Variants in DNAJC10 observed in about 807,000 individuals in gnomAD.
DNAJC10 encodes the protein endoplasmic reticulum disulfide reductase DNAJC10.
Under a neutral mutation model 115.0 loss-of-function variants are expected in DNAJC10, and 101 were observed. The observed-to-expected ratio is 0.88, with a 90% CI of 0.75 to 1.04. DNAJC10 has a LOEUF of 1.04. DNAJC10 is among the 50% of genes least tolerant of loss of function. The pLI is 0.00. For missense variants in DNAJC10, 981 were observed against 928.8 expected, an observed-to-expected ratio of 1.06 and a Z score of -0.73; for synonymous variants, 307 against 301.5, an observed-to-expected ratio of 1.02 and a Z score of -0.19.
chr2:182,746,602 G>T (rs868046444), intron 14 of DNAJC10, among the ~76,000 whole-genome samples: 18 of 152,018 alleles, frequency 1.2e-4, no homozygotes, highest in Non-Finnish European at 7.4e-5. Flanking sequence ...GTAAATTTGT[G>T]TGAGTTCATT....
At position 182,741,727 on chromosome 2, in the gene DNAJC10, A is replaced by G. The variant is rs534458657; in HGVS notation, c.1191+371A>G. 3.1e-4 allele frequency among the ~76,000 whole-genome samples: 47 copies of G among 152,306 alleles called. No individual in the cohort carries two copies. In the South Asian group the frequency reaches 3.5e-3, roughly 11 times the overall value. ...AAAAATAAAGCAATTATCTAAAAAA[A>G]TCACCCATACTCTTAACATTGTTCA... On this transcript the variant is annotated intron_variant, in intron 13 of 23. Coordinates refer to ENST00000264065, the MANE Select transcript of DNAJC10 (RefSeq NM_018981.4).
intron 10 of DNAJC10, among the ~76,000 whole-genome samples, chr2:182,733,548 G>A (rs867174826): frequency 5.7e-4 from 87 of 151,646 alleles, no homozygotes; most frequent in African/African-American, 2.1e-3. Context: ...AGAGTGATTG[G>A]CCTATATTTT....
At chr2:182,769,713 G>A (rs1424905724) in intron 22 of DNAJC10, among the ~76,000 whole-genome samples, 1 of 152,054 alleles carries the variant, frequency 6.6e-6, no homozygotes, top group Non-Finnish European at 1.5e-5. Flanking sequence ...GTAGATTCTG[G>A]ATATTAGCCC....
At chr2:182,739,715 A>G (rs1693683992) in intron 11 of DNAJC10, 3 of 1,010,642 alleles carry the variant, frequency 3.0e-6, no homozygotes, top group South Asian at 8.0e-5. Flanking sequence ...GATCTGTATC[A>G]TTGTATTTTA....
intron 5 of DNAJC10, 67 bp from the exon 6 acceptor site, chr2:182,728,509 T>C (rs970130028): frequency 9.2e-6 from 11 of 1,190,502 alleles, no homozygotes; most frequent in Non-Finnish European, 1.3e-5. Context: ...ACAAAAAGTT[T>C]TTAACTAAAA....
Position 182,718,261 on chromosome 2 carries a change from G to A in DNAJC10, c.175G>A (p.Ala59Thr). 1 of 1,610,628 alleles carries A rather than the reference G, an allele frequency of 6.2e-7. No individual in the cohort carries two copies. Among genetic ancestry groups the A allele is most frequent in the Non-Finnish European group, 8.5e-7 (1 of 1,179,012 alleles). Reference protein sequence around the residue: ...REIRQAFKKLALKLHPDKNPN... With the variant: ...REIRQAFKKLTLKLHPDKNPN... ...AATAAGACAAGCTTTCAAGAAATTGGCATTGAAGTTACATCCTGATAAAAA... is the reference window on the plus strand; with the variant it reads ...AATAAGACAAGCTTTCAAGAAATTGACATTGAAGTTACATCCTGATAAAAA... The change falls in exon 3 of 24, where the codon GCA becomes ACA. Residue 59 changes from alanine (A) to threonine (T), a missense_variant. Physicochemically the swap from Ala to Thr is moderately conservative, Grantham distance 58. Coordinates refer to ENST00000264065, the MANE Select transcript of DNAJC10 (RefSeq NM_018981.4).
At position 182,793,820 on chromosome 2, in the gene DNAJC10, T is replaced by TCTCACACA. The variant is rs1695094347; in HGVS notation, c.*16689_*16690insTCACACAC. ...TAAAATTTTCCAGAGAGGAAACACATCACACACACACACACACACACACAC... is the reference window on the plus strand; with the variant it reads ...TAAAATTTTCCAGAGAGGAAACACATCTCACACACACACACACACACACACACACACAC... On this transcript the variant is annotated 3_prime_UTR_variant, in exon 24 of 24. Transcript: ENST00000264065. The TCTCACACA allele has an allele frequency of 7.4e-6, 1 of 135,636 alleles. No homozygotes were observed. Among genetic ancestry groups the TCTCACACA allele is most frequent in the African/African-American group, 2.9e-5 (1 of 34,424 alleles). The allele number at this position is 135,636 out of a possible 1,614,324, so 8.4% of individuals were successfully genotyped here.
At chr2:182,730,137 T>TTC (rs1344786441) in intron 8 of DNAJC10, among the ~76,000 whole-genome samples, 196 bp downstream of exon 8, 6 of 152,134 alleles carry the variant, frequency 3.9e-5, no homozygotes, top group Non-Finnish European at 7.4e-5. Flanking sequence ...TACAGAAACT[T>TTC]GAACTATCGA....
intron 17 of DNAJC10, among the ~76,000 whole-genome samples, chr2:182,755,587 G>A (rs1184781835): frequency 6.6e-6 from 1 of 151,964 alleles, no homozygotes; most frequent in Non-Finnish European, 1.5e-5. Flanking sequence ...CTGACGTAAT[G>A]TTTTGTCTTG....
rs1272200127 is a variant in DNAJC10, at chr2:182,780,412, C to G, written c.*3280C>G. ...TTCTCTGTGTGACATGCCTTCTCCCCCCGTGCCTTCTGCCATGAGTAAAAG... is the reference window on the plus strand; with the variant it reads ...TTCTCTGTGTGACATGCCTTCTCCCGCCGTGCCTTCTGCCATGAGTAAAAG... On this transcript the variant is annotated 3_prime_UTR_variant, in exon 24 of 24. Coordinates refer to ENST00000264065, the MANE Select transcript of DNAJC10 (RefSeq NM_018981.4). 6.6e-6 allele frequency: 1 copy of G among 152,236 alleles called. No individual in the cohort carries two copies. The highest frequency in any genetic ancestry group is 1.5e-5 in the Non-Finnish European group (1 of 68,088). The allele number at this position is 152,236 out of a possible 1,614,324, so 9.4% of individuals were successfully genotyped here.
At chr2:182,721,984 G>A (rs1375976316) in intron 4 of DNAJC10, 41 bp from the exon 5 acceptor site, 1 of 1,163,108 alleles carries the variant, frequency 8.6e-7, no homozygotes, top group Non-Finnish European at 1.2e-6. Context: ...TTTATATGGT[G>A]AAGTTTTGAT....
intron 10 of DNAJC10, among the ~76,000 whole-genome samples, chr2:182,735,686 C>T (rs1693565127): frequency 6.6e-6 from 1 of 151,936 alleles, no homozygotes; most frequent in South Asian, 2.1e-4. Flanking sequence ...ACTAACTTGC[C>T]CAGTGCAGAA....
At chr2:182,724,706 C>G (rs1265194216) in intron 5 of DNAJC10, among the ~76,000 whole-genome samples, 1 of 152,148 alleles carries the variant, frequency 6.6e-6, no homozygotes, top group Non-Finnish European at 1.5e-5. Context: ...TATTAACAGA[C>G]AGTAGCTGTA....
rs531964460 is a variant in DNAJC10 at position 182,779,368 on chromosome 2, A to T, written c.*2236A>T. ...GCAACACCATTTTTGTGTGCAGCTGACCCTCTAACATGGTATCAATTCTAG... is the reference window on the plus strand; with the variant it reads ...GCAACACCATTTTTGTGTGCAGCTGTCCCTCTAACATGGTATCAATTCTAG... On this transcript the variant is annotated 3_prime_UTR_variant, in exon 24 of 24. Coordinates refer to ENST00000264065, the MANE Select transcript of DNAJC10 (RefSeq NM_018981.4). 2.0e-5 allele frequency: 3 copies of T among 152,228 alleles called. No individual in the cohort carries two copies. The highest frequency in any genetic ancestry group is 2.0e-4 in the Admixed American group (3 of 15,270). 9.4% of individuals were successfully genotyped at this position (152,228 alleles called of 1,614,324 possible). A position where few individuals can be genotyped will look rare whatever the true frequency, so the allele number is the denominator to read the frequency against.
intron 22 of DNAJC10, among the ~76,000 whole-genome samples, 200 bp from the exon 23 acceptor site, chr2:182,775,116 C>T (rs902299776): frequency 3.4e-5 from 5 of 147,960 alleles, no homozygotes; most frequent in African/African-American, 1.2e-4. Flanking sequence ...TTCCGTGACA[C>T]TATTATTAGT....
Position 182,777,232 on chromosome 2 carries a change from A to T in DNAJC10, c.*100A>T, listed in dbSNP as rs1301090267. 1.4e-6 allele frequency: 1 copy of T among 737,370 alleles called. No individual in the cohort carries two copies. The highest frequency in any genetic ancestry group is 2.0e-6 in the Non-Finnish European group (1 of 492,506). 45.7% of individuals were successfully genotyped at this position (737,370 alleles called of 1,614,324 possible). On this transcript the variant is annotated 3_prime_UTR_variant, in exon 24 of 24. Transcript: ENST00000264065. ...ACATTTATGATGGGAATGAATGAAC[A>T]TTATCTTAGACTTGCAGTTGTACTG...
chr2:182,788,671 G>A lies in DNAJC10; in HGVS notation c.*11539G>A, dbSNP rs1694993684. ...TGTTCTTTTGTCCCAGAGAACAAAA[G>A]GAAGTGAGCTTATCCCACAGCACAA... On this transcript the variant is annotated 3_prime_UTR_variant, in exon 24 of 24. Coordinates refer to ENST00000264065, the MANE Select transcript of DNAJC10 (RefSeq NM_018981.4). 1 of 353,774 alleles carries A rather than the reference G, an allele frequency of 2.8e-6. No individual in the cohort carries two copies. The highest frequency in any genetic ancestry group is 5.5e-6 in the Non-Finnish European group (1 of 181,366). 21.9% of individuals were successfully genotyped at this position (353,774 alleles called of 1,614,324 possible). A position where few individuals can be genotyped will look rare whatever the true frequency, so the allele number is the denominator to read the frequency against.
At chr2:182,743,739 A>T in intron 14 of DNAJC10, 27 bp downstream of exon 14, 1 of 1,469,344 alleles carries the variant, frequency 6.8e-7, no homozygotes, top group South Asian at 1.2e-5. Context: ...ATGATAAAAA[A>T]AAACTTAGCT....
intron 22 of DNAJC10, among the ~76,000 whole-genome samples, chr2:182,763,933 A>G (rs1276823579): frequency 6.6e-6 from 1 of 152,154 alleles, no homozygotes; most frequent in Non-Finnish European, 1.5e-5. Context: ...AACCCAGACA[A>G]CCAAGTGTTG....
Sources: gnomAD v4.1 joint callset for allele counts (sites outside exome capture counted in the v4.1 genomes callset) on GRCh38, gnomAD v4.1.1 for gene constraint, MANE v1.5 for transcripts, NCBI Gene and HGNC (gene_info 2026-07-23, HGNC 2026-07-21) for gene names.